KIAA0232: variants seen among roughly 807,000 people sequenced by gnomAD.
KIAA0232 encodes uncharacterized protein KIAA0232.
Under a neutral mutation model 122.0 loss-of-function variants are expected in KIAA0232, and 27 were observed. The ratio of observed to expected loss-of-function variants is 0.22; its 90% CI spans 0.16 to 0.31. KIAA0232 has a LOEUF of 0.31. KIAA0232 is among the 10% of genes least tolerant of loss of function. KIAA0232 has a pLI of 1.00. For synonymous variants in KIAA0232, 613 were observed against 587.6 expected (o/e 1.04, Z -0.63); for missense variants, 1,551 against 1,634.2 (o/e 0.95, Z 0.88).
chr4:6,867,338 G>T (rs74677370), intron 7 of KIAA0232, among the ~76,000 whole-genome samples: 3 of 152,102 alleles, frequency 2.0e-5, no homozygotes, highest in Admixed American at 2.0e-4. Context: ...AGGCAGGGCA[G>T]TCCAGGCAGA....
At chr4:6,803,590 T>G (rs1386659666) in intron 1 of KIAA0232, among the ~76,000 whole-genome samples, 1 of 152,232 alleles carries the variant, frequency 6.6e-6, no homozygotes, top group Non-Finnish European at 1.5e-5. Context: ...TTGTCTAATT[T>G]CATATTCACT....
At chr4:6,785,526 G>C (rs1048893372) in intron 1 of KIAA0232, among the ~76,000 whole-genome samples, 1 of 152,192 alleles carries the variant, frequency 6.6e-6, no homozygotes, top group African/African-American at 2.4e-5. Flanking sequence ...GTGAAATGTC[G>C]TCAAGACTCA....
At chr4:6,822,268 T>A (rs1052911624) in intron 2 of KIAA0232, among the ~76,000 whole-genome samples, 1 of 152,160 alleles carries the variant, frequency 6.6e-6, no homozygotes, top group African/African-American at 2.4e-5. Flanking sequence ...AAAGATAATA[T>A]AGTAGAGAGG....
chr4:6,803,967 T>A (rs1408388048), intron 1 of KIAA0232, among the ~76,000 whole-genome samples: 1 of 152,252 alleles, frequency 6.6e-6, no homozygotes, highest in Non-Finnish European at 1.5e-5. Context: ...TCACCTTTGT[T>A]AAGTGTGGCA....
At chr4:6,859,375 C>G (rs1055213222) in intron 6 of KIAA0232, among the ~76,000 whole-genome samples, 2 of 151,998 alleles carry the variant, frequency 1.3e-5, no homozygotes, top group Non-Finnish European at 2.9e-5. Flanking sequence ...TTGTATAGAC[C>G]TGTATTATCC....
chr4:6,879,920 C>A (rs1721977046), intron 9 of KIAA0232, among the ~76,000 whole-genome samples: 1 of 137,424 alleles, frequency 7.3e-6, no homozygotes. Context: ...TCACTGCAAA[C>A]TCCCTTCCCA....
intron 1 of KIAA0232, among the ~76,000 whole-genome samples, chr4:6,787,584 C>A (rs984309393): frequency 6.6e-6 from 1 of 152,182 alleles, no homozygotes; most frequent in Admixed American, 6.5e-5. Flanking sequence ...CCTTTCTTGA[C>A]CAGATTTTTA....
At position 6,862,288 on chromosome 4, in the gene KIAA0232, T is replaced by G; in HGVS notation, c.1906T>G (p.Ser636Ala). 1 of 1,614,162 alleles carries G rather than the reference T, an allele frequency of 6.2e-7. No homozygotes were observed. Among genetic ancestry groups the G allele is most frequent in the Non-Finnish European group, 8.5e-7 (1 of 1,180,014 alleles). The change falls in exon 7 of 10, where the codon TCA (serine) becomes GCA (alanine). Residue 636 changes from serine to alanine, a missense_variant. By Grantham distance (99) the Ser-to-Ala change is moderately conservative. Coordinates refer to ENST00000307659, the MANE Select transcript of KIAA0232 (RefSeq NM_014743.3). Reference protein sequence around the residue: ...HLLAGNQELFSDINEGSGINS... With the variant: ...HLLAGNQELFADINEGSGINS... ...GCTTGCTGGCAATCAAGAGCTCTTT[T>G]CAGATATTAATGAAGGATCTGGTAT...
At chr4:6,817,830 T>A (rs1247345644) in intron 2 of KIAA0232, among the ~76,000 whole-genome samples, 1 of 152,188 alleles carries the variant, frequency 6.6e-6, no homozygotes, top group Non-Finnish European at 1.5e-5. Context: ...AATTTTTGTT[T>A]CATATGTTTT....
At chr4:6,819,207 C>T (rs541218155) in intron 2 of KIAA0232, among the ~76,000 whole-genome samples, 9 of 152,144 alleles carry the variant, frequency 5.9e-5, no homozygotes, top group South Asian at 4.2e-4. Context: ...GCAACAAAAA[C>T]GAACATTGAC....
intron 7 of KIAA0232, among the ~76,000 whole-genome samples, chr4:6,869,585 T>C (rs2108823951): frequency 6.6e-6 from 1 of 152,364 alleles, no homozygotes; most frequent in Admixed American, 6.5e-5. Context: ...GTTTATCTAA[T>C]AGCAGTACCA....
At chr4:6,839,144 G>T (rs1216815030) in intron 3 of KIAA0232, among the ~76,000 whole-genome samples, 1 of 152,084 alleles carries the variant, frequency 6.6e-6, no homozygotes, top group Non-Finnish European at 1.5e-5. Context: ...AATAAATAAA[G>T]CTAAGGATTC....
chr4:6,825,776 G>C (rs919580932), intron 3 of KIAA0232, among the ~76,000 whole-genome samples: 1 of 152,106 alleles, frequency 6.6e-6, no homozygotes, highest in Admixed American at 6.5e-5. Flanking sequence ...GGTTTTTATA[G>C]ACAGTAAAAA....
rs527518960 is a variant in KIAA0232, at chr4:6,836,074, C to T, written c.232-5993C>T. On this transcript the variant is annotated intron_variant, in intron 3 of 9. Coordinates refer to ENST00000307659, the MANE Select transcript of KIAA0232 (RefSeq NM_014743.3). ...CTTCCACAATGGTTGAACTAATTTA[C>T]AGTCCCACCAATAGTGTAGAAGCGT... Among the ~76,000 whole-genome samples, 73 of 152,344 alleles carry T rather than the reference C, an allele frequency of 4.8e-4. 1 individual carries two copies. In the Middle Eastern group the frequency reaches 0.01, roughly 21 times the overall value.
chr4:6,818,415 A>C (rs570820253), intron 2 of KIAA0232, among the ~76,000 whole-genome samples: 1 of 151,556 alleles, frequency 6.6e-6, no homozygotes, highest in African/African-American at 2.4e-5. Context: ...AAAAAAAAAA[A>C]AAAGAATACA....
chr4:6,790,098 A>G (rs903183362), intron 1 of KIAA0232, among the ~76,000 whole-genome samples: 8 of 152,200 alleles, frequency 5.3e-5, no homozygotes, highest in Non-Finnish European at 1.0e-4. Flanking sequence ...TTTTCAGGAA[A>G]GCGAATGTTT....
At chr4:6,800,615 A>T (rs982906639) in intron 1 of KIAA0232, among the ~76,000 whole-genome samples, 2 of 151,280 alleles carry the variant, frequency 1.3e-5, no homozygotes, top group Admixed American at 1.3e-4. Context: ...CAGGAGGTGG[A>T]GGTTGTGGTG....
chr4:6,798,294 T>C (rs928244901), intron 1 of KIAA0232, among the ~76,000 whole-genome samples: 1 of 152,156 alleles, frequency 6.6e-6, no homozygotes, highest in Non-Finnish European at 1.5e-5. Flanking sequence ...TGATGCTGAG[T>C]AGGTGCTCAG....
rs932171509 is a variant in KIAA0232 at position 6,882,247 on chromosome 4, C to G, written c.*1281C>G. On this transcript the variant is annotated 3_prime_UTR_variant, in exon 10 of 10. Transcript: ENST00000307659. ...CATTGTTTTTCTTTTTTAACCAACT[C>G]ATTGTTTAAAAAACAAAAACAAAAA... The G allele has an allele frequency of 6.6e-6, 1 of 152,154 alleles. No homozygotes were observed. The highest frequency in any genetic ancestry group is 1.5e-5 in the Non-Finnish European group (1 of 68,024). 9.4% of individuals were successfully genotyped at this position (152,154 alleles called of 1,614,324 possible). A position where few individuals can be genotyped will look rare whatever the true frequency, so the allele number is the denominator to read the frequency against.
Sources: allele counts gnomAD v4.1 joint callset (sites outside exome capture counted in the v4.1 genomes callset), GRCh38; gene constraint gnomAD v4.1.1; transcripts MANE v1.5; gene names NCBI Gene and HGNC (gene_info 2026-07-23, HGNC 2026-07-21).